Variants in ANLN observed in about 807,000 individuals in gnomAD.
The protein encoded by ANLN is anillin.
ANLN carries 59 observed loss-of-function variants against 135.1 expected under a neutral mutation model. The observed-to-expected ratio is 0.44, with a 90% confidence interval of 0.35 to 0.54. The LOEUF is 0.54. ANLN is among the 20% of genes least tolerant of loss of function. The probability of loss-of-function intolerance (pLI) is 0.00; values close to 1 mark genes in which losing one functional copy is unlikely to be tolerated. For missense variants in ANLN, 1,182 were observed against 1,340.0 expected, an observed-to-expected ratio of 0.88 and a Z score of 1.84; for synonymous variants, 406 against 456.4, an observed-to-expected ratio of 0.89 and a Z score of 1.41.
chr7:36,390,016 C>T lies in ANLN; in HGVS notation c.-11C>T, dbSNP rs1397425999. The T allele has an allele frequency of 6.2e-7, 1 of 1,614,094 alleles. No homozygotes were observed. Among genetic ancestry groups the T allele is most frequent in the Admixed American group, 1.7e-5 (1 of 60,030 alleles). On this transcript the variant is annotated 5_prime_UTR_variant, in exon 1 of 24. The change creates a new upstream start codon in the 5' untranslated region. Coordinates refer to ENST00000265748, the MANE Select transcript of ANLN (RefSeq NM_018685.5). Reference sequence around the variant, plus strand: ...CCGTTTCCATCGTCTCGTAGTCCGACGCCTGGGGCGATGGATCCGTTTACG... The same window carrying T: ...CCGTTTCCATCGTCTCGTAGTCCGATGCCTGGGGCGATGGATCCGTTTACG...
chr7:36,431,603 A>G (rs1206602845), intron 20 of ANLN, among the ~76,000 whole-genome samples: 8,062 of 41,066 alleles, frequency 0.2, 376 homozygotes, highest in East Asian at 0.35. Flanking sequence ...GTGTGTATAT[A>G]TATATATATA....
chr7:36,416,987 A>G, intron 8 of ANLN, 93 bp from the exon 9 acceptor site: 2 of 690,094 alleles, frequency 2.9e-6, no homozygotes, highest in South Asian at 5.0e-5. Context: ...ACATAGTTTT[A>G]TAATCAGAAA....
Position 36,411,201 on chromosome 7 carries a change from T to C in ANLN, c.1395+35T>C. The C allele has an allele frequency of 2.0e-6, 3 of 1,534,378 alleles. No homozygotes were observed. In the South Asian group the frequency reaches 3.6e-5, roughly 19 times the overall value. On this transcript the variant is annotated intron_variant, in intron 7 of 23. Transcript: ENST00000265748. ...ACAAGAAATATAAAAACGAACTTGG[T>C]CCCCAAATAGTTGGGATCTAATTTG...
chr7:36,407,203 G>A (rs989863381), intron 4 of ANLN, among the ~76,000 whole-genome samples: 1 of 152,094 alleles, frequency 6.6e-6, no homozygotes, highest in Admixed American at 6.5e-5. Flanking sequence ...TTTGGCTTTG[G>A]ACAAGGTGCT....
chr7:36,422,732 C>T lies in ANLN; in HGVS notation c.2399C>T (p.Ser800Phe). ...KASPQSEFMP[S>F]KGSVTLSEIR... ...AGTCCCCAAAGTGAATTTATGCCAT[C>T]CAAAGGATCAGTTACTTTGTCAGAA... Residue 800 changes from serine (S) to phenylalanine (F), a missense_variant, in exon 14 of 24, where the codon TCC becomes TTC. Ser to Phe is a radical substitution (Grantham distance 155, BLOSUM62 -2). This residue lies in a region of ANLN where 1,022 missense variants were observed against 1,134.0 expected (regional missense o/e 0.90). Transcript: ENST00000265748. The T allele has an allele frequency of 1.2e-6, 2 of 1,613,596 alleles. No homozygotes were observed. The highest frequency in any genetic ancestry group is 1.7e-6 in the Non-Finnish European group (2 of 1,179,800).
rs187731719 is a variant in ANLN, at chr7:36,411,281, G to C, written c.1395+115G>C. The stretch of plus-strand genomic sequence containing the variant: ...ACATTTTTCTTTTCCAATTAACTCT[G>C]TCACTTTTCGTTTATAAATCCCTTA... On this transcript the variant is annotated intron_variant, in intron 7 of 23. Coordinates refer to ENST00000265748, the MANE Select transcript of ANLN (RefSeq NM_018685.5). 8 of 769,372 alleles carry C rather than the reference G, an allele frequency of 1.0e-5. No homozygotes were observed. In the African/African-American group the frequency reaches 1.4e-4, roughly 14 times the overall value. The allele number at this position is 769,372 out of a possible 1,614,324, so 47.7% of individuals were successfully genotyped here.
At chr7:36,403,936 C>T (rs1387057507) in intron 3 of ANLN, among the ~76,000 whole-genome samples, 1 of 152,164 alleles carries the variant, frequency 6.6e-6, no homozygotes, top group Non-Finnish European at 1.5e-5. Context: ...GGTGGGATTA[C>T]AGGCATGAGC....
At chr7:36,428,406 A>G (rs1475535552) in intron 20 of ANLN, 3 of 1,110,336 alleles carry the variant, frequency 2.7e-6, no homozygotes, top group East Asian at 5.9e-5. Context: ...TTAAAAATCA[A>G]TCCTTAATTT....
In ANLN at chr7:36,399,207, G is replaced by A. The variant is rs749575998; in HGVS notation, c.301G>A (p.Val101Met). 6.2e-7 allele frequency: 1 copy of A among 1,614,116 alleles called. No homozygotes were observed. Among genetic ancestry groups the A allele is most frequent in the Non-Finnish European group, 8.5e-7 (1 of 1,180,018 alleles). ...TSAKSCSPSP[V>M]SPQVQPQAAD... ...TGCAAAATCTTGTTCTCCAAGTCCT[G>A]TGTCTCCTCAGGTGCAGCCACAAGC... The change falls in exon 3 of 24, where the codon GTG becomes ATG. Residue 101 changes from valine to methionine, a missense_variant. Val to Met is a conservative substitution (Grantham distance 21). Coordinates refer to ENST00000265748, the MANE Select transcript of ANLN (RefSeq NM_018685.5).
intron 1 of ANLN, among the ~76,000 whole-genome samples, chr7:36,390,742 T>A (rs1020302350): frequency 3.3e-5 from 5 of 152,224 alleles, no homozygotes; most frequent in Non-Finnish European, 4.4e-5. Flanking sequence ...ATCATTACAG[T>A]ACTTATTTCA....
rs1287505635 is a variant in ANLN, at chr7:36,399,605, T to C, written c.487+212T>C. ...GATCACGATGTGGTTCTTGGACTAG[T>C]TCATAGAAACCTGATCTTATAACTG... On this transcript the variant is annotated intron_variant, in intron 3 of 23. Transcript: ENST00000265748. 3.3e-5 allele frequency among the ~76,000 whole-genome samples: 5 copies of C among 152,324 alleles called. No individual in the cohort carries two copies. In the East Asian group the frequency reaches 7.7e-4, roughly 24 times the overall value.
chr7:36,421,348 A>G (rs912854537), intron 12 of ANLN, among the ~76,000 whole-genome samples: 2 of 152,018 alleles, frequency 1.3e-5, no homozygotes, highest in African/African-American at 2.4e-5. Context: ...GATTACAGGC[A>G]TGAGCCACCA....
chr7:36,443,401 G>A (rs976454408), intron 21 of ANLN, among the ~76,000 whole-genome samples: 4 of 152,024 alleles, frequency 2.6e-5, no homozygotes, highest in African/African-American at 9.7e-5. Context: ...AATATATAAG[G>A]TATGGTAATT....
At chr7:36,446,836 G>A (rs1486002637) in intron 22 of ANLN, among the ~76,000 whole-genome samples, 1 of 152,070 alleles carries the variant, frequency 6.6e-6, no homozygotes, top group African/African-American at 2.4e-5. Flanking sequence ...TATATGTGTA[G>A]GTTTATTTTT....
In ANLN at chr7:36,396,396, A is replaced by G. The variant is rs1786699972; in HGVS notation, c.149A>G (p.Gln50Arg). 2 of 1,592,520 alleles carry G rather than the reference A, an allele frequency of 1.3e-6. No individual in the cohort carries two copies. The highest frequency in any genetic ancestry group is 2.2e-5 in the East Asian group (1 of 44,480). The change falls in exon 2 of 24, where the codon CAG becomes CGG. Residue 50 changes from glutamine to arginine, a missense_variant. Coordinates refer to ENST00000265748, the MANE Select transcript of ANLN (RefSeq NM_018685.5). ...ARQPLSEASNQQPLSGGEEKS... is the reference protein window; with the variant it reads ...ARQPLSEASNRQPLSGGEEKS... ...CAGCCACTTTCAGAAGCAAGTAACC[A>G]GCAGCCCCTCTCTGGTGGTGAAGGT...
At chr7:36,433,652 A>C (rs1788416511) in intron 20 of ANLN, among the ~76,000 whole-genome samples, 1 of 152,162 alleles carries the variant, frequency 6.6e-6, no homozygotes, top group South Asian at 2.1e-4. Context: ...CTGAAACTCC[A>C]GTTAATGTAG....
At chr7:36,396,798 C>T (rs562082060) in intron 2 of ANLN, among the ~76,000 whole-genome samples, 19 of 152,194 alleles carry the variant, frequency 1.2e-4, no homozygotes, top group East Asian at 3.9e-4. Flanking sequence ...GTGGTGTCTC[C>T]GGTACCAGCA....
intron 12 of ANLN, among the ~76,000 whole-genome samples, chr7:36,421,096 T>C (rs968582011): frequency 6.6e-6 from 1 of 152,108 alleles, no homozygotes; most frequent in Non-Finnish European, 1.5e-5. Flanking sequence ...GACAGCATTT[T>C]GCTCTTTGTT....
Position 36,449,868 on chromosome 7 carries a change from A to G in ANLN, c.3251+31A>G, listed in dbSNP as rs3801304. ...TATTGGCCTATAAATATTTCTATCAACTAAGCAATTGATTGCCCACTATGT... is the reference window on the plus strand; with the variant it reads ...TATTGGCCTATAAATATTTCTATCAGCTAAGCAATTGATTGCCCACTATGT... On this transcript the variant is annotated intron_variant, in intron 23 of 23. Coordinates refer to ENST00000265748, the MANE Select transcript of ANLN (RefSeq NM_018685.5). 0.12 allele frequency: 192,924 copies of G among 1,598,610 alleles called. 12,704 individuals are homozygous for G. The highest frequency in any genetic ancestry group is 0.24 in the East Asian group (10,787 of 44,668).
Sources: gnomAD v4.1 joint callset for allele counts (sites outside exome capture counted in the v4.1 genomes callset) on GRCh38, gnomAD v4.1.1 for gene constraint, gnomAD v4.1.1 regional missense constraint, MANE v1.5 for transcripts, NCBI Gene and HGNC (gene_info 2026-07-23, HGNC 2026-07-21) for gene names.